The following VCAN variants were observed in gnomAD, a reference collection of about 807,000 sequenced individuals.
VCAN encodes the protein versican core protein.
In VCAN, 44 loss-of-function variants were observed where a neutral mutation model predicts 245.5. The ratio of observed to expected loss-of-function variants is 0.18; its 90% CI spans 0.14 to 0.23. The LOEUF (loss-of-function observed/expected upper bound fraction) is 0.23, where lower values mean the gene tolerates loss of function less well. VCAN is among the 10% of genes least tolerant of loss of function. The probability of loss-of-function intolerance (pLI) is 1.00; values close to 1 mark genes in which losing one functional copy is unlikely to be tolerated. For missense variants in VCAN, 3,793 were observed against 4,057.9 expected (o/e 0.93, Z 1.77); for synonymous variants, 1,413 against 1,437.0 (o/e 0.98, Z 0.38).
chr5:83,578,015 A>G (rs1043410696), intron 13 of VCAN, among the ~76,000 whole-genome samples: 2 of 152,194 alleles, frequency 1.3e-5, no homozygotes, highest in Non-Finnish European at 2.9e-5. Flanking sequence ...AGTACATTGA[A>G]TTATTGAATT....
chr5:83,560,708 T>C (rs1256131444), intron 12 of VCAN, among the ~76,000 whole-genome samples: 1 of 152,282 alleles, frequency 6.6e-6, no homozygotes, highest in Non-Finnish European at 1.5e-5. Flanking sequence ...GACAAACCTC[T>C]CCAACAAGTG....
chr5:83,474,667 C>A (rs1000887911), intron 1 of VCAN, among the ~76,000 whole-genome samples: 42 of 152,228 alleles, frequency 2.8e-4, no homozygotes, highest in African/African-American at 9.9e-4. Context: ...GCCGCACAGG[C>A]GGCCGGCGCA....
chr5:83,523,137 T>C (rs976897815), intron 7 of VCAN, among the ~76,000 whole-genome samples: 1 of 152,194 alleles, frequency 6.6e-6, no homozygotes, highest in Non-Finnish European at 1.5e-5. Context: ...GCTGTTTGTT[T>C]ACATTGATTA....
chr5:83,507,052 C>T (rs969651463), intron 5 of VCAN, among the ~76,000 whole-genome samples: 17 of 152,200 alleles, frequency 1.1e-4, no homozygotes, highest in East Asian at 3.9e-4. Context: ...GGGGACACAG[C>T]CAAATCATAT....
chr5:83,568,419 A>G (rs571803647), intron 12 of VCAN, among the ~76,000 whole-genome samples: 1 of 152,312 alleles, frequency 6.6e-6, no homozygotes, highest in Non-Finnish European at 1.5e-5. Context: ...CCAAGCAACA[A>G]CAGGAACACT....
chr5:83,523,746 A>C (rs191304740), intron 7 of VCAN, among the ~76,000 whole-genome samples: 45 of 152,246 alleles, frequency 3.0e-4, no homozygotes, highest in Middle Eastern at 3.4e-3. Context: ...TTTCTTGCTA[A>C]TGATATTGTT....
rs776671260 is a variant in VCAN at position 83,521,867 on chromosome 5, G to A, written c.3561G>A (p.Lys1187=). 7 of 1,614,004 alleles carry A rather than the reference G, an allele frequency of 4.3e-6. No homozygotes were observed. The South Asian group carries it at 5.5e-5, about 13-fold the overall frequency. The change falls in exon 7 of 15, where the codon AAG becomes AAA. Residue 1187 remains lysine, a synonymous_variant. Transcript: ENST00000265077. ...DIDLGSGLFE[K]PKATELIEFS... ...ATTTAGGCTCAGGATTATTTGAAAA[G>A]CCCAAAGCCACAGAACTCATAGAAT...
chr5:83,527,508 A>C (rs1423415153), intron 7 of VCAN, among the ~76,000 whole-genome samples: 1 of 152,212 alleles, frequency 6.6e-6, no homozygotes, highest in Non-Finnish European at 1.5e-5. Context: ...AAGGGAAGAG[A>C]ATGTTTGTCT....
chr5:83,551,520 T>TA (rs1187415991), intron 10 of VCAN, among the ~76,000 whole-genome samples: 1 of 150,476 alleles, frequency 6.6e-6, no homozygotes, highest in Non-Finnish European at 1.5e-5. Flanking sequence ...ACAAAAAAAA[T>TA]AAAAAATAAA....
chr5:83,556,205 C>G (rs1360046491), intron 12 of VCAN, among the ~76,000 whole-genome samples: 1 of 152,114 alleles, frequency 6.6e-6, no homozygotes, highest in East Asian at 1.9e-4. Flanking sequence ...TTTTCCTTCA[C>G]CTGTTTTACA....
chr5:83,547,951 C>T lies in VCAN; in HGVS notation c.9380-20C>T. The T allele has an allele frequency of 6.5e-7, 1 of 1,547,354 alleles. No individual in the cohort carries two copies. Among genetic ancestry groups the T allele is most frequent in the Non-Finnish European group, 8.9e-7 (1 of 1,119,304 alleles). On this transcript the variant is annotated intron_variant, in intron 9 of 14. Transcript: ENST00000265077. ...ATACTTTTTGAAAGTATTTTGTGAGCTTTTACTATTTTGTTTCAGATTTTG... is the reference window on the plus strand; with the variant it reads ...ATACTTTTTGAAAGTATTTTGTGAGTTTTTACTATTTTGTTTCAGATTTTG...
intron 13 of VCAN, among the ~76,000 whole-genome samples, chr5:83,573,349 G>C (rs1242707582): frequency 6.6e-6 from 1 of 152,092 alleles, no homozygotes; most frequent in Non-Finnish European, 1.5e-5. Context: ...TTTGTCGGTG[G>C]TTTGAAGTAC....
chr5:83,542,008 C>G lies in VCAN; in HGVS notation c.9005C>G (p.Pro3002Arg), dbSNP rs777380765. Residue 3002 changes from proline to arginine, a missense_variant, in exon 8 of 15, where the codon CCC (proline) becomes CGC (arginine). Pro to Arg is a moderately radical substitution (Grantham distance 103). This residue lies in a region of VCAN where 3,182 missense variants were observed against 3,250.3 expected (regional missense o/e 0.98). Transcript: ENST00000265077. ...PWLSPQTSER[P>R]TLSSSPEINP... The stretch of plus-strand genomic sequence containing the variant: ...CTAAGTCCACAGACTTCTGAGAGGC[C>G]CACGCTTTCTTCTTCTCCAGAAATA... 1 of 1,610,576 alleles carries G rather than the reference C, an allele frequency of 6.2e-7. No homozygotes were observed. The highest frequency in any genetic ancestry group is 1.1e-5 in the South Asian group (1 of 90,876).
Position 83,541,560 on chromosome 5 carries a change from G to T in VCAN, c.8557G>T (p.Asp2853Tyr). The T allele has an allele frequency of 6.2e-7, 1 of 1,613,890 alleles. No homozygotes were observed. The highest frequency in any genetic ancestry group is 8.5e-7 in the Non-Finnish European group (1 of 1,180,016). ...IPQPSALPGI[D>Y]VGSSVMSPQD... is the part of the protein sequence containing the mutation. ...CCAGCCCAGTGCTCTGCCAGGAATA[G>T]ACGTCGGCTCATCTGTAATGTCCCC... The change falls in exon 8 of 15, where the codon GAC (aspartate) becomes TAC (tyrosine). Residue 2853 changes from aspartate to tyrosine, a missense_variant. By Grantham distance (160) the Asp-to-Tyr change is radical. Coordinates refer to ENST00000265077, the MANE Select transcript of VCAN (RefSeq NM_004385.5).
At chr5:83,472,992 T>C (rs911992065) in intron 1 of VCAN, among the ~76,000 whole-genome samples, 1 of 152,210 alleles carries the variant, frequency 6.6e-6, no homozygotes, top group Non-Finnish European at 1.5e-5. Flanking sequence ...GGGTCAGTCC[T>C]CTCGCCCAGA....
At chr5:83,572,927 A>C (rs1748344752) in intron 13 of VCAN, among the ~76,000 whole-genome samples, 1 of 150,482 alleles carries the variant, frequency 6.6e-6, no homozygotes, top group African/African-American at 2.4e-5. Context: ...TTTGAGATGG[A>C]GTCTCGCTCT....
intron 10 of VCAN, among the ~76,000 whole-genome samples, chr5:83,550,624 C>T (rs759899847): frequency 4.6e-5 from 7 of 152,112 alleles, no homozygotes; most frequent in Non-Finnish European, 8.8e-5. Context: ...TGGTGGCTTA[C>T]GCCTGTAATC....
In VCAN at chr5:83,538,583, T is replaced by C; in HGVS notation, c.5580T>C (p.Ile1860=). The stretch of plus-strand genomic sequence containing the variant: ...TTTCATTAAACGTAGAGTATGCAAT[T>C]CAAGCCGAAAAGGAAGTAGCTGGCA... ...SSFSLNVEYA[I]QAEKEVAGTL... Residue 1860 remains isoleucine, a synonymous_variant, in exon 8 of 15, where the codon ATT becomes ATC. Coordinates refer to ENST00000265077, the MANE Select transcript of VCAN (RefSeq NM_004385.5). 6.2e-7 allele frequency: 1 copy of C among 1,614,008 alleles called. No individual in the cohort carries two copies. The highest frequency in any genetic ancestry group is 2.2e-5 in the East Asian group (1 of 44,860).
Position 83,542,282 on chromosome 5 carries a change from A to G in VCAN, c.9265+14A>G. On this transcript the variant is annotated intron_variant, in intron 8 of 14. Coordinates refer to ENST00000265077, the MANE Select transcript of VCAN (RefSeq NM_004385.5). ...TCTATTTACCAGGTAAGATCACAAC[A>G]TTGATAAATCTGTTTCCAAACCTGG... The G allele has an allele frequency of 6.2e-7, 1 of 1,608,958 alleles. No individual in the cohort carries two copies. Among genetic ancestry groups the G allele is most frequent in the Non-Finnish European group, 8.5e-7 (1 of 1,178,712 alleles).
Sources: gnomAD v4.1 joint callset for allele counts (sites outside exome capture counted in the v4.1 genomes callset) on GRCh38, gnomAD v4.1.1 for gene constraint, gnomAD v4.1.1 regional missense constraint, MANE v1.5 for transcripts, NCBI Gene and HGNC (gene_info 2026-07-23, HGNC 2026-07-21) for gene names.